The following ZMIZ1 variants were observed in gnomAD, a reference collection of about 807,000 sequenced individuals.
ZMIZ1 encodes zinc finger MIZ-type containing 1.
ZMIZ1 carries 17 observed loss-of-function variants against 113.9 expected under a neutral mutation model. The ratio of observed to expected loss-of-function variants is 0.15; its 90% CI spans 0.10 to 0.22. ZMIZ1 has a LOEUF of 0.22. Ranked by LOEUF, ZMIZ1 falls within the 10% of genes least tolerant of loss-of-function variation. The pLI, the probability that ZMIZ1 is intolerant of heterozygous loss-of-function variation, is 1.00. For missense variants in ZMIZ1, 1,059 were observed against 1,477.8 expected, an observed-to-expected ratio of 0.72 and a Z score of 4.65; for synonymous variants, 607 against 603.1, an observed-to-expected ratio of 1.01 and a Z score of -0.09.
chr10:79,078,481 C>G (rs1002975525), intron 1 of ZMIZ1, among the ~76,000 whole-genome samples: 1 of 150,950 alleles, frequency 6.6e-6, no homozygotes. Flanking sequence ...AAGAAATTGT[C>G]AAACCTATTT....
Position 79,289,827 on chromosome 10 carries a change from C to G in ZMIZ1, c.478C>G (p.Pro160Ala), listed in dbSNP as rs1444872104. 6.2e-7 allele frequency: 1 copy of G among 1,614,116 alleles called. No homozygotes were observed. ...CCCTTGGCAGCAGAACACCAACCAG[C>G]CTCCCGGCTCCCTTTCCGTGGTCAC... ...SVPWQQNTNQ[P>A]PGSLSVVTTV... The change falls in exon 9 of 25, where the codon CCT becomes GCT. Residue 160 changes from proline to alanine, a missense_variant. Pro to Ala is a conservative substitution (Grantham distance 27). Coordinates refer to ENST00000334512, the MANE Select transcript of ZMIZ1 (RefSeq NM_020338.4).
intron 8 of ZMIZ1, 52 bp from the exon 9 acceptor site, chr10:79,289,723 T>A: frequency 6.5e-7 from 1 of 1,544,722 alleles, no homozygotes; most frequent in Non-Finnish European, 8.9e-7. Context: ...ATGGCCTGTC[T>A]TGAGTCTGTG....
chr10:79,261,198 C>T (rs1028373604), intron 7 of ZMIZ1, among the ~76,000 whole-genome samples: 2 of 152,190 alleles, frequency 1.3e-5, no homozygotes, highest in Non-Finnish European at 2.9e-5. Context: ...GGTTTTTGAC[C>T]CGGCCGGCCC....
At chr10:79,075,447 C>G (rs1275763169) in intron 1 of ZMIZ1, among the ~76,000 whole-genome samples, 2 of 152,190 alleles carry the variant, frequency 1.3e-5, no homozygotes, top group African/African-American at 4.8e-5. Flanking sequence ...AGACTTCTGC[C>G]CCTAGAGATA....
At chr10:79,271,820 G>C (rs1358370471) in intron 7 of ZMIZ1, among the ~76,000 whole-genome samples, 1 of 152,156 alleles carries the variant, frequency 6.6e-6, no homozygotes, top group Non-Finnish European at 1.5e-5. Flanking sequence ...CCTGGAGCCT[G>C]CTGGGCAGAG....
At chr10:79,116,384 C>T (rs1223025145) in intron 1 of ZMIZ1, among the ~76,000 whole-genome samples, 2 of 152,152 alleles carry the variant, frequency 1.3e-5, no homozygotes, top group African/African-American at 4.8e-5. Flanking sequence ...GACTTACACA[C>T]TCTGGGGAAG....
rs563799561 is a variant in ZMIZ1 at position 79,169,421 on chromosome 10, A to T, written c.-50+7288A>T. ...GACTTTGATGCACTAGAACCTATAAATAATCTGGAGCATTTTTATCTGTGT... is the reference window on the plus strand; with the variant it reads ...GACTTTGATGCACTAGAACCTATAATTAATCTGGAGCATTTTTATCTGTGT... On this transcript the variant is annotated intron_variant, in intron 4 of 24. Transcript: ENST00000334512. 1.2e-4 allele frequency among the ~76,000 whole-genome samples: 19 copies of T among 152,342 alleles called. No homozygotes were observed. The East Asian group carries it at 3.7e-3, about 29-fold the overall frequency.
At chr10:79,131,790 G>A (rs1016650286) in intron 2 of ZMIZ1, among the ~76,000 whole-genome samples, 2 of 152,136 alleles carry the variant, frequency 1.3e-5, no homozygotes, top group African/African-American at 2.4e-5. Flanking sequence ...GCAAGGGCCC[G>A]GCCCCTGTTC....
chr10:79,312,036 A>G (rs1247600142), intron 24 of ZMIZ1, among the ~76,000 whole-genome samples: 6 of 152,072 alleles, frequency 3.9e-5, no homozygotes, highest in African/African-American at 4.8e-5. Context: ...TTCCCCCTCA[A>G]ACCAGGCCAG....
chr10:79,259,240 G>C lies in ZMIZ1; in HGVS notation c.281-17941G>C, dbSNP rs193107147. 4.9e-3 allele frequency among the ~76,000 whole-genome samples: 746 copies of C among 152,258 alleles called. 19 individuals are homozygous for C. The highest frequency in any genetic ancestry group is 0.022 in the East Asian group (112 of 5,176). ...GTTATCTCTGCGTGGGGCAGGGAAG[G>C]GGGGGCTGGAGCTCTCCTGTCTGTC... is the stretch of plus-strand genomic sequence containing the variant. On this transcript the variant is annotated intron_variant, in intron 7 of 24. Transcript: ENST00000334512.
chr10:79,202,222 AGAAAGAAG>A (rs1411331739), intron 5 of ZMIZ1, among the ~76,000 whole-genome samples: 1 of 139,464 alleles, frequency 7.2e-6, no homozygotes, highest in East Asian at 2.0e-4. Flanking sequence ...AAAGAAAGAA[AGAAAGAAG>A]GAAGGAAGGA....
In ZMIZ1 at chr10:79,297,636, T is replaced by G; in HGVS notation, c.1437T>G (p.Asn479Lys). Residue 479 changes from asparagine to lysine, a missense_variant, in exon 14 of 25, where the codon AAT (asparagine) becomes AAG (lysine). Around this residue, in one of 6 missense-constraint regions of ZMIZ1, gnomAD observed 239 missense variants for 247.5 expected, o/e 0.97. Coordinates refer to ENST00000334512, the MANE Select transcript of ZMIZ1 (RefSeq NM_020338.4). The stretch of plus-strand genomic sequence containing the variant: ...AGCCAGAACAGTTTAATGGACAAAA[T>G]AACACGTTCTCGGGAAGCAGCTACA... Reference protein sequence around the residue: ...YYKPEQFNGQNNTFSGSSYSN... With the variant: ...YYKPEQFNGQKNTFSGSSYSN... 6.2e-7 allele frequency: 1 copy of G among 1,614,118 alleles called. No homozygotes were observed. The highest frequency in any genetic ancestry group is 8.5e-7 in the Non-Finnish European group (1 of 1,179,990).
chr10:79,309,790 G>A (rs1285432265), intron 23 of ZMIZ1, among the ~76,000 whole-genome samples: 1 of 152,208 alleles, frequency 6.6e-6, no homozygotes, highest in Non-Finnish European at 1.5e-5. Context: ...GGATGGGGCA[G>A]GGTGAGGGGA....
chr10:79,254,846 C>T (rs1850778501), intron 7 of ZMIZ1, among the ~76,000 whole-genome samples: 1 of 152,228 alleles, frequency 6.6e-6, no homozygotes, highest in African/African-American at 2.4e-5. Context: ...CACCTGATAC[C>T]TTTCACCGCA....
chr10:79,117,522 T>A, intron 1 of ZMIZ1, among the ~76,000 whole-genome samples: 1 of 152,258 alleles, frequency 6.6e-6, no homozygotes. Flanking sequence ...AGTTGACCCA[T>A]TCTATGGTTG....
At chr10:79,282,685 C>G (rs1337990805) in intron 8 of ZMIZ1, among the ~76,000 whole-genome samples, 1 of 152,208 alleles carries the variant, frequency 6.6e-6, no homozygotes, top group East Asian at 1.9e-4. Flanking sequence ...GACATGGTGC[C>G]GCATGAGCAG....
chr10:79,279,367 G>C (rs9665287), intron 8 of ZMIZ1, among the ~76,000 whole-genome samples: 47,489 of 151,332 alleles, frequency 0.31, 7,842 homozygotes, highest in East Asian at 0.44. Flanking sequence ...TCTCAGACGG[G>C]GTGGCGGGGC....
At chr10:79,236,416 T>C (rs1849591216) in intron 7 of ZMIZ1, among the ~76,000 whole-genome samples, 1 of 152,162 alleles carries the variant, frequency 6.6e-6, no homozygotes, top group Non-Finnish European at 1.5e-5. Flanking sequence ...AGTCCAACCC[T>C]GGGGCCATTC....
intron 9 of ZMIZ1, among the ~76,000 whole-genome samples, chr10:79,290,446 C>G (rs961263084): frequency 6.6e-6 from 1 of 152,208 alleles, no homozygotes; most frequent in South Asian, 2.1e-4. Context: ...GCTTGTCACC[C>G]TGGAGGGAGC....
Sources: allele counts gnomAD v4.1 joint callset (sites outside exome capture counted in the v4.1 genomes callset), GRCh38; gene constraint gnomAD v4.1.1; regional missense constraint gnomAD v4.1.1; transcripts MANE v1.5; gene names NCBI Gene and HGNC (gene_info 2026-07-23, HGNC 2026-07-21).